Variants in KSR2 observed in about 807,000 individuals in gnomAD.
KSR2 encodes kinase suppressor of ras 2.
A neutral mutation model predicts 107.8 loss-of-function variants in KSR2; 25 were observed. The observed-to-expected ratio is 0.23, with a 90% CI of 0.17 to 0.32. The LOEUF (loss-of-function observed/expected upper bound fraction) is 0.32. Ranked by LOEUF, KSR2 falls within the 10% of genes least tolerant of loss-of-function variation. The pLI, the probability that KSR2 is intolerant of heterozygous loss-of-function variation, is 1.00. For missense variants in KSR2, 887 were observed against 1,268.9 expected (o/e 0.70, Z 4.57); for synonymous variants, 480 against 507.0 (o/e 0.95, Z 0.71).
intron 1 of KSR2, among the ~76,000 whole-genome samples, chr12:117,931,561 C>T (rs1234477901): frequency 3.3e-5 from 5 of 152,312 alleles, no homozygotes; most frequent in Admixed American, 3.3e-4. Context: ...CACTGCTAGA[C>T]GTTCTCTCTT....
intron 3 of KSR2, among the ~76,000 whole-genome samples, chr12:117,810,951 T>A (rs969490649): frequency 6.6e-6 from 1 of 152,184 alleles, no homozygotes; most frequent in African/African-American, 2.4e-5. Context: ...TAAATTGAAA[T>A]TAAAATGTGC....
intron 5 of KSR2, among the ~76,000 whole-genome samples, chr12:117,654,332 C>T (rs1052421375): frequency 1.3e-5 from 2 of 152,226 alleles, no homozygotes; most frequent in African/African-American, 4.8e-5. Flanking sequence ...CCATGATCTC[C>T]ACTCCTGCCA....
Position 117,968,223 on chromosome 12 carries a change from C to G in KSR2, c.33G>C (p.Glu11Asp). Reference sequence around the variant, plus strand: ...CTTTTTGCAAACTCAGAGGCTGCTGCTCCTCGCTTTTCGTCATGTTTTCCT... The same window carrying G: ...CTTTTTGCAAACTCAGAGGCTGCTGGTCCTCGCTTTTCGTCATGTTTTCCT... MDEENMTKSE[E>D]QQPLSLQKAL... The change falls in exon 1 of 20, where the codon GAG becomes GAC. Residue 11 changes from glutamate to aspartate, a missense_variant. Physicochemically the swap from Glu to Asp is conservative, Grantham distance 45. Coordinates refer to ENST00000339824, the MANE Select transcript of KSR2 (RefSeq NM_173598.6). 2 of 1,598,388 alleles carry G rather than the reference C, an allele frequency of 1.3e-6. No individual in the cohort carries two copies. The highest frequency in any genetic ancestry group is 1.1e-5 in the South Asian group (1 of 88,936).
At chr12:117,868,657 T>G (rs1893553969) in intron 1 of KSR2, among the ~76,000 whole-genome samples, 1 of 152,136 alleles carries the variant, frequency 6.6e-6, no homozygotes, top group Non-Finnish European at 1.5e-5. Context: ...GAGCCGAGAT[T>G]CAAACCCAGT....
chr12:117,501,312 T>C (rs1268341579), intron 14 of KSR2, among the ~76,000 whole-genome samples: 1 of 152,240 alleles, frequency 6.6e-6, no homozygotes, highest in Non-Finnish European at 1.5e-5. Context: ...AAATATTTAC[T>C]GTCTAGCCCT....
intron 9 of KSR2, among the ~76,000 whole-genome samples, chr12:117,551,248 T>G (rs917631310): frequency 2.6e-5 from 4 of 152,072 alleles, no homozygotes; most frequent in Non-Finnish European, 5.9e-5. Context: ...TTCTTCCTCC[T>G]TCTTTCTCCT....
intron 5 of KSR2, among the ~76,000 whole-genome samples, chr12:117,616,189 G>T (rs1048781913): frequency 6.8e-6 from 1 of 146,226 alleles, no homozygotes; most frequent in Non-Finnish European, 1.5e-5. Flanking sequence ...ATTTTAAAAA[G>T]AAGGAACTTT....
In KSR2 at chr12:117,614,007, A is replaced by G. The variant is rs144911605; in HGVS notation, c.1172-31648T>C. On this transcript the variant is annotated intron_variant, in intron 5 of 19. Transcript: ENST00000339824. ...CTATATGCAAGCCATTGTGGTGCTGAGACAGTGAAAAGTTCAGCAAAATAG... is the reference window on the plus strand; with the variant it reads ...CTATATGCAAGCCATTGTGGTGCTGGGACAGTGAAAAGTTCAGCAAAATAG... Among the ~76,000 whole-genome samples, 661 of 152,346 alleles carry G rather than the reference A, an allele frequency of 4.3e-3. 4 individuals carry two copies. Among genetic ancestry groups the G allele is most frequent in the African/African-American group, 0.014 (595 of 41,582 alleles).
intron 14 of KSR2, among the ~76,000 whole-genome samples, chr12:117,498,891 A>C (rs1253689369): frequency 1.3e-5 from 2 of 152,200 alleles, no homozygotes; most frequent in Non-Finnish European, 2.9e-5. Flanking sequence ...TGAGTCCATT[A>C]AATTTCTTTC....
intron 1 of KSR2, among the ~76,000 whole-genome samples, chr12:117,952,371 G>A (rs866853006): frequency 1.4e-4 from 22 of 152,116 alleles, no homozygotes; most frequent in Admixed American, 1.0e-3. Context: ...CTTTTGGGCC[G>A]GGAATGGTGG....
In KSR2 at chr12:117,595,069, A is replaced by T. The variant is rs573204553; in HGVS notation, c.1172-12710T>A. Among the ~76,000 whole-genome samples the T allele has an allele frequency of 4.6e-5, 7 of 152,298 alleles. No individual in the cohort carries two copies. In the East Asian group the frequency reaches 1.4e-3, roughly 29 times the overall value. The stretch of plus-strand genomic sequence containing the variant: ...AAACAGGCTCAGTCACCATGAAAGG[A>T]GAGGCAGAGCTTGACCCTCCCAGCC... On this transcript the variant is annotated intron_variant, in intron 5 of 19. Transcript: ENST00000339824.
chr12:117,677,034 G>A (rs1885161127), intron 4 of KSR2, among the ~76,000 whole-genome samples: 1 of 152,188 alleles, frequency 6.6e-6, no homozygotes, highest in South Asian at 2.1e-4. Flanking sequence ...ATAAGGTGAT[G>A]ATGCCAGGCC....
At chr12:117,526,091 AC>A (rs1015250288) in intron 13 of KSR2, among the ~76,000 whole-genome samples, 16 of 152,202 alleles carry the variant, frequency 1.1e-4, no homozygotes, top group African/African-American at 3.6e-4. Context: ...TGTATTAAAC[AC>A]CGACTGGGAG....
At chr12:117,733,795 T>G (rs1451612550) in intron 4 of KSR2, among the ~76,000 whole-genome samples, 1 of 149,814 alleles carries the variant, frequency 6.7e-6, no homozygotes, top group Non-Finnish European at 1.5e-5. Flanking sequence ...CTGAGCTCCT[T>G]ACAAGGAAGG....
intron 7 of KSR2, among the ~76,000 whole-genome samples, chr12:117,571,629 G>A (rs1015658848): frequency 1.3e-5 from 2 of 152,108 alleles, no homozygotes; most frequent in Non-Finnish European, 2.9e-5. Flanking sequence ...GACTGTGACC[G>A]CTGGCCACTG....
intron 3 of KSR2, among the ~76,000 whole-genome samples, chr12:117,825,972 T>C (rs1891730938): frequency 3.1e-5 from 2 of 64,518 alleles, no homozygotes; most frequent in Admixed American, 2.2e-4. Context: ...GGTGGGTGGG[T>C]AGGTGGGTGA....
At chr12:117,938,784 T>C (rs1350010205) in intron 1 of KSR2, among the ~76,000 whole-genome samples, 1 of 151,962 alleles carries the variant, frequency 6.6e-6, no homozygotes, top group Admixed American at 6.6e-5. Flanking sequence ...CAAGTAGACA[T>C]TATAAATGGC....
chr12:117,780,021 C>T (rs1889831053), intron 3 of KSR2, among the ~76,000 whole-genome samples: 1 of 152,072 alleles, frequency 6.6e-6, no homozygotes. Flanking sequence ...GAATTCACAC[C>T]CTACCCAGCA....
At chr12:117,490,683 G>A (rs147978358) in intron 14 of KSR2, among the ~76,000 whole-genome samples, 7 of 152,110 alleles carry the variant, frequency 4.6e-5, no homozygotes, top group East Asian at 1.9e-4. Context: ...GACATGAGCC[G>A]CTGCACCCAG....
Sources: gnomAD v4.1 joint callset for allele counts (sites outside exome capture counted in the v4.1 genomes callset) on GRCh38, gnomAD v4.1.1 for gene constraint, MANE v1.5 for transcripts, NCBI Gene and HGNC (gene_info 2026-07-23, HGNC 2026-07-21) for gene names.